NBAS: variants seen among roughly 807,000 people sequenced by gnomAD.
NBAS encodes the protein NBAS subunit of NRZ tethering complex.
In NBAS, 219 loss-of-function variants were observed where a neutral mutation model predicts 302.5. The ratio of observed to expected loss-of-function variants is 0.72; its 90% CI spans 0.65 to 0.81. The LOEUF (loss-of-function observed/expected upper bound fraction) is 0.81, where lower values mean the gene tolerates loss of function less well. Among genes scored for constraint, NBAS ranks in the 30% least tolerant of loss-of-function variants. NBAS has a pLI of 0.00. For missense variants in NBAS, 2,932 were observed against 2,841.6 expected (o/e 1.03, Z -0.72); for synonymous variants, 1,118 against 1,021.6 (o/e 1.09, Z -1.80).
At chr2:15,140,566 T>G in the NBAS span, among the ~76,000 whole-genome samples, 1 of 152,198 alleles carries the variant, frequency 6.6e-6, no homozygotes, top group Non-Finnish European at 1.5e-5. Context: ...TTATATAAAA[T>G]TTTGTACAGG....
rs557721023 is a variant in NBAS, at chr2:15,333,266, G to A, written c.4180-2501C>T. 4.6e-5 allele frequency among the ~76,000 whole-genome samples: 7 copies of A among 152,174 alleles called. 1 individual carries two copies. The South Asian group carries it at 1.0e-3, about 23-fold the overall frequency. On this transcript the variant is annotated intron_variant, in intron 35 of 51. Coordinates refer to ENST00000281513, the MANE Select transcript of NBAS (RefSeq NM_015909.4). ...TAAGAGGATGCAACTTCTGAAACAC[G>A]GCAAAATAGAGGAATCTTAAGTGAC...
At chr2:15,197,741 C>T (rs1187103099) in intron 48 of NBAS, among the ~76,000 whole-genome samples, 1 of 152,158 alleles carries the variant, frequency 6.6e-6, no homozygotes, top group East Asian at 1.9e-4. Flanking sequence ...ATGTTTCTAA[C>T]CTGTAACTTG....
the NBAS span, among the ~76,000 whole-genome samples, chr2:15,091,052 C>A: frequency 6.6e-6 from 1 of 152,170 alleles, no homozygotes; most frequent in East Asian, 1.9e-4. Context: ...GCCAAAATAG[C>A]CTTTTTCTAG....
chr2:15,257,445 T>C (rs1454587954), intron 44 of NBAS, among the ~76,000 whole-genome samples: 3 of 150,320 alleles, frequency 2.0e-5, no homozygotes, highest in South Asian at 4.2e-4. Context: ...CACCCTGGAG[T>C]GCAGTGGCAC....
At chr2:15,011,957 G>A in the NBAS span, among the ~76,000 whole-genome samples, 1 of 152,068 alleles carries the variant, frequency 6.6e-6, no homozygotes, top group Admixed American at 6.5e-5. Flanking sequence ...AGTTGGAAGA[G>A]GCAACTGTTC....
the NBAS span, among the ~76,000 whole-genome samples, chr2:15,144,046 A>ATATATATATATATTATCCTATATATAT: frequency 9.6e-6 from 1 of 104,576 alleles, no homozygotes; most frequent in African/African-American, 4.8e-5. Context: ...CCTATATATA[A>ATATATATATATATTATCCTATATATAT]AAATATATAT....
chr2:14,925,838 A>T, the NBAS span, among the ~76,000 whole-genome samples: 1 of 152,222 alleles, frequency 6.6e-6, no homozygotes, highest in Non-Finnish European at 1.5e-5. Flanking sequence ...GAAGAATTAA[A>T]CAGTTAAGAT....
At chr2:15,119,303 CTTTTTTT>C in the NBAS span, among the ~76,000 whole-genome samples, 13,464 of 108,024 alleles carry the variant, frequency 0.12, 1,663 homozygotes, top group African/African-American at 0.34. Context: ...GAAATCCTTT[CTTTTTTT>C]TTTTTTTTTT....
At chr2:15,145,397 TTGTATG>T in the NBAS span, among the ~76,000 whole-genome samples, 64 of 90,898 alleles carry the variant, frequency 7.0e-4, 2 homozygotes, top group African/African-American at 2.6e-3. Context: ...ATGTGTTTGT[TTGTATG>T]TGTGTGTGTG....
the NBAS span, among the ~76,000 whole-genome samples, chr2:14,949,916 G>C: frequency 5.9e-5 from 9 of 152,316 alleles, no homozygotes; most frequent in Non-Finnish European, 1.2e-4. Flanking sequence ...TGAAAAGGAA[G>C]AGAAGTTGAT....
In NBAS at chr2:15,276,949, G is replaced by C. The variant is rs1669611279; in HGVS notation, c.5291C>G (p.Thr1764Ser). ...FDHERLQYYFTLLENCGCADL... is the reference protein window; with the variant it reads ...FDHERLQYYFSLLENCGCADL... ...TGCACAGCCACAGTTTTCCAGAAGA[G>C]TGAAATAATACTGCAGCCTTTCGTG... is the stretch of plus-strand genomic sequence containing the variant. The change falls in exon 43 of 52, where the codon ACT becomes AGT. Residue 1764 changes from threonine to serine, a missense_variant. Transcript: ENST00000281513. 6.2e-7 allele frequency: 1 copy of C among 1,614,090 alleles called. No homozygotes were observed. Among genetic ancestry groups the C allele is most frequent in the East Asian group, 2.2e-5 (1 of 44,876 alleles).
At chr2:14,785,121 G>T in the NBAS span, among the ~76,000 whole-genome samples, 2 of 152,098 alleles carry the variant, frequency 1.3e-5, no homozygotes, top group African/African-American at 4.8e-5. Flanking sequence ...CTCTCTGTTT[G>T]TCTGTTATTG....
At chr2:15,052,059 T>A in the NBAS span, among the ~76,000 whole-genome samples, 1 of 152,228 alleles carries the variant, frequency 6.6e-6, no homozygotes, top group Non-Finnish European at 1.5e-5. Flanking sequence ...TGACTATGAG[T>A]ATCTTGAGAG....
intron 9 of NBAS, among the ~76,000 whole-genome samples, chr2:15,533,333 T>C (rs549308475): frequency 6.6e-6 from 1 of 152,338 alleles, no homozygotes; most frequent in Admixed American, 6.5e-5. Flanking sequence ...TCTACCACAG[T>C]ACTATCTTTA....
At chr2:14,966,402 T>A in the NBAS span, among the ~76,000 whole-genome samples, 1 of 152,190 alleles carries the variant, frequency 6.6e-6, no homozygotes, top group Non-Finnish European at 1.5e-5. Context: ...TATTCATCCT[T>A]CAGTATATGC....
At chr2:15,211,009 G>A (rs1666382773) in intron 48 of NBAS, among the ~76,000 whole-genome samples, 1 of 152,102 alleles carries the variant, frequency 6.6e-6, no homozygotes, top group Admixed American at 6.6e-5. Flanking sequence ...GGAAGTGGAT[G>A]ATTAATAGGT....
At chr2:15,243,291 C>T (rs1018104642) in intron 44 of NBAS, among the ~76,000 whole-genome samples, 5 of 152,006 alleles carry the variant, frequency 3.3e-5, no homozygotes, top group Non-Finnish European at 4.4e-5. Flanking sequence ...ATTTCAGAGC[C>T]GGGCAATAAA....
chr2:15,109,588 G>A, the NBAS span, among the ~76,000 whole-genome samples: 604 of 152,248 alleles, frequency 4.0e-3, 1 homozygote, highest in African/African-American at 0.014. Context: ...CTGGAAGCTG[G>A]AAGGCTCAGA....
At chr2:15,401,908 T>C (rs562048932) in intron 26 of NBAS, among the ~76,000 whole-genome samples, 2 of 151,432 alleles carry the variant, frequency 1.3e-5, no homozygotes, top group African/African-American at 4.9e-5. Context: ...ATTTTTGTTT[T>C]TCAATAGGAA....
Sources: allele counts gnomAD v4.1 joint callset (sites outside exome capture counted in the v4.1 genomes callset), GRCh38; gene constraint gnomAD v4.1.1; transcripts MANE v1.5; gene names NCBI Gene and HGNC (gene_info 2026-07-23, HGNC 2026-07-21).